SMAD5: variants seen among roughly 807,000 people sequenced by gnomAD.
SMAD5 encodes the protein SMAD family member 5.
In SMAD5, 9 loss-of-function variants were observed where a neutral mutation model predicts 43.1. The ratio of observed to expected loss-of-function variants is 0.21; its 90% CI spans 0.13 to 0.36. The LOEUF (loss-of-function observed/expected upper bound fraction) is 0.36, where lower values mean the gene tolerates loss of function less well. Among genes scored for constraint, SMAD5 ranks in the 10% least tolerant of loss-of-function variants. The pLI is 1.00. For missense variants in SMAD5, 348 were observed against 574.0 expected (o/e 0.61, Z 4.02); for synonymous variants, 190 against 192.4 (o/e 0.99, Z 0.10).
rs560092045 is a variant in SMAD5 at position 136,181,401 on chromosome 5, T to C, written c.*3921T>C. 1 of 152,278 alleles carries C rather than the reference T, an allele frequency of 6.6e-6. No homozygotes were observed. The highest frequency in any genetic ancestry group is 1.9e-4 in the East Asian group (1 of 5,186). The allele number at this position is 152,278 out of a possible 1,614,324, so 9.4% of individuals were successfully genotyped here. A position where few individuals can be genotyped will look rare whatever the true frequency, so the allele number is the denominator to read the frequency against. On this transcript the variant is annotated 3_prime_UTR_variant, in exon 8 of 8. Transcript: ENST00000545279. ...GTCATCGTTATATTGTTCAGCTAGA[T>C]GAGCAAGTATCTTAGGGTAGTAGGT...
At chr5:136,146,541 A>G (rs578163863) in intron 1 of SMAD5, among the ~76,000 whole-genome samples, 26 of 151,952 alleles carry the variant, frequency 1.7e-4, no homozygotes, top group Admixed American at 3.3e-4. Flanking sequence ...CTTGTGGCTC[A>G]TGCAAATCAG....
At position 136,159,147 on chromosome 5, in the gene SMAD5, A is replaced by G. The variant is rs771464233; in HGVS notation, c.404-1709A>G. 1.3e-3 allele frequency among the ~76,000 whole-genome samples: 201 copies of G among 152,340 alleles called. 2 individuals carry two copies. Among genetic ancestry groups the G allele is most frequent in the Middle Eastern group, 3.4e-3 (1 of 294 alleles). On this transcript the variant is annotated intron_variant, in intron 3 of 7. Coordinates refer to ENST00000545279, the MANE Select transcript of SMAD5 (RefSeq NM_005903.7). ...TCAGCAATGAATTACATGTATGTAT[A>G]TATGAATACTGGATATTGATTTAAG...
At chr5:136,139,852 C>T (rs1273586970) in intron 1 of SMAD5, among the ~76,000 whole-genome samples, 1 of 151,978 alleles carries the variant, frequency 6.6e-6, no homozygotes, top group Non-Finnish European at 1.5e-5. Flanking sequence ...TGTGCCACTG[C>T]ACCTGGCTAA....
chr5:136,173,116 G>A (rs1754282948), intron 6 of SMAD5, among the ~76,000 whole-genome samples: 1 of 152,172 alleles, frequency 6.6e-6, no homozygotes, highest in Non-Finnish European at 1.5e-5. Flanking sequence ...TGTGAGAGGA[G>A]CGGAATTAGA....
intron 1 of SMAD5, among the ~76,000 whole-genome samples, chr5:136,144,989 AG>A (rs1201629586): frequency 6.6e-6 from 1 of 151,952 alleles, no homozygotes; most frequent in Non-Finnish European, 1.5e-5. Context: ...GAAAAAAAAA[AG>A]AGTTAAAAGA....
At chr5:136,172,724 T>C in intron 6 of SMAD5, 69 bp downstream of exon 6, 1 of 1,047,180 alleles carries the variant, frequency 9.5e-7, no homozygotes, top group Non-Finnish European at 1.5e-6. Context: ...AACCATGCAT[T>C]GTGAAAGGTG....
chr5:136,141,256 A>G (rs576323622), intron 1 of SMAD5, among the ~76,000 whole-genome samples: 29 of 152,200 alleles, frequency 1.9e-4, no homozygotes, highest in Admixed American at 3.9e-4. Flanking sequence ...AGTTCTTACT[A>G]ATATTTATTG....
At chr5:136,154,219 C>A in intron 3 of SMAD5, 56 bp downstream of exon 3, 1 of 1,071,152 alleles carries the variant, frequency 9.3e-7, no homozygotes, top group Non-Finnish European at 1.3e-6. Context: ...ACCTCTCTTC[C>A]TGATATGCAT....
intron 1 of SMAD5, among the ~76,000 whole-genome samples, chr5:136,144,169 A>C (rs1753184830): frequency 6.6e-6 from 1 of 152,022 alleles, no homozygotes; most frequent in African/African-American, 2.4e-5. Context: ...GGGTTTCCTA[A>C]TGAGATTTTA....
In SMAD5 at chr5:136,175,145, G is replaced by A. The variant is rs559562671; in HGVS notation, c.1254+513G>A. ...CTTATAAAACTATCGGATCTTATGA[G>A]ACTTTATTCACTACTGTGAGAACAG... On this transcript the variant is annotated intron_variant, in intron 7 of 7. Transcript: ENST00000545279. Among the ~76,000 whole-genome samples, 12 of 152,242 alleles carry A rather than the reference G, an allele frequency of 7.9e-5. No individual in the cohort carries two copies. In the South Asian group the frequency reaches 2.5e-3, roughly 32 times the overall value.
At chr5:136,135,019 A>C (rs916737225) in intron 1 of SMAD5, 7 of 152,210 alleles carry the variant, frequency 4.6e-5, no homozygotes, top group African/African-American at 1.4e-4. Context: ...AAAAAGAATA[A>C]AATATTTTCG....
intron 2 of SMAD5, among the ~76,000 whole-genome samples, chr5:136,152,148 T>C (rs1242630050): frequency 1.3e-5 from 2 of 152,126 alleles, no homozygotes; most frequent in African/African-American, 2.4e-5. Flanking sequence ...TTCCCCACCA[T>C]GGTTCCAGCA....
At chr5:136,172,917 A>G in intron 6 of SMAD5, 1 of 455,116 alleles carries the variant, frequency 2.2e-6, no homozygotes, top group Admixed American at 3.6e-5. Flanking sequence ...CCCTGACTGG[A>G]ACATAAGCTG....
At chr5:136,150,569 T>C (rs751830424) in intron 2 of SMAD5, among the ~76,000 whole-genome samples, 1 of 151,940 alleles carries the variant, frequency 6.6e-6, no homozygotes, top group Non-Finnish European at 1.5e-5. Flanking sequence ...CTCTTCAGCA[T>C]TGGGTGGTAA....
intron 1 of SMAD5, among the ~76,000 whole-genome samples, chr5:136,138,784 T>C (rs1752972077): frequency 6.6e-6 from 1 of 152,182 alleles, no homozygotes; most frequent in African/African-American, 2.4e-5. Flanking sequence ...TCCTGCATGG[T>C]CCGAGATTCT....
chr5:136,179,004 G>A lies in SMAD5; in HGVS notation c.*1524G>A, dbSNP rs1429729765. 6.6e-6 allele frequency: 1 copy of A among 152,568 alleles called. No homozygotes were observed. The highest frequency in any genetic ancestry group is 1.5e-5 in the Non-Finnish European group (1 of 68,350). The allele number at this position is 152,568 out of a possible 1,614,324, so 9.5% of individuals were successfully genotyped here. The stretch of plus-strand genomic sequence containing the variant: ...GGAGGCGGAGGTTGTGGTGAGCCGA[G>A]ATCGCACCACTGCACTCCAGCCTGG... On this transcript the variant is annotated 3_prime_UTR_variant, in exon 8 of 8. Coordinates refer to ENST00000545279, the MANE Select transcript of SMAD5 (RefSeq NM_005903.7).
rs1341978150 is a variant in SMAD5, at chr5:136,178,309, T to C, written c.*829T>C. ...TGTTGCAAGAACTCTATTTTTGACATGCATTAATCTTTTATTTTGCACTTT... is the reference window on the plus strand; with the variant it reads ...TGTTGCAAGAACTCTATTTTTGACACGCATTAATCTTTTATTTTGCACTTT... On this transcript the variant is annotated 3_prime_UTR_variant, in exon 8 of 8. Coordinates refer to ENST00000545279, the MANE Select transcript of SMAD5 (RefSeq NM_005903.7). 1 of 152,662 alleles carries C rather than the reference T, an allele frequency of 6.6e-6. No homozygotes were observed. Among genetic ancestry groups the C allele is most frequent in the African/African-American group, 2.4e-5 (1 of 41,448 alleles). 9.5% of individuals were successfully genotyped at this position (152,662 alleles called of 1,614,324 possible).
chr5:136,165,944 G>A (rs1019500777), intron 5 of SMAD5, among the ~76,000 whole-genome samples: 2 of 151,788 alleles, frequency 1.3e-5, no homozygotes, highest in African/African-American at 4.8e-5. Flanking sequence ...TATACCAGAA[G>A]TACAATTACT....
At chr5:136,168,401 GT>G (rs1554103905) in intron 5 of SMAD5, among the ~76,000 whole-genome samples, 1 of 134,418 alleles carries the variant, frequency 7.4e-6, no homozygotes, top group African/African-American at 3.0e-5. Flanking sequence ...TAGTTGTTTT[GT>G]TTTTTTGTTT....
Sources: gnomAD v4.1 joint callset for allele counts (sites outside exome capture counted in the v4.1 genomes callset) on GRCh38, gnomAD v4.1.1 for gene constraint, MANE v1.5 for transcripts, NCBI Gene and HGNC (gene_info 2026-07-23, HGNC 2026-07-21) for gene names.